RANBP9: variants seen among roughly 807,000 people sequenced by gnomAD.
The protein encoded by RANBP9 is ran-binding protein 9.
RANBP9 carries 15 observed loss-of-function variants against 84.3 expected under a neutral mutation model. The observed-to-expected ratio is 0.18, with a 90% confidence interval of 0.12 to 0.27. The LOEUF (loss-of-function observed/expected upper bound fraction) is 0.27. RANBP9 is among the 10% of genes least tolerant of loss of function. The pLI, the probability that RANBP9 is intolerant of heterozygous loss-of-function variation, is 1.00. For synonymous variants in RANBP9, 392 were observed against 349.6 expected (o/e 1.12, Z -1.35); for missense variants, 809 against 912.8 (o/e 0.89, Z 1.46).
At chr6:13,627,761 G>C (rs145019827) in intron 12 of RANBP9, among the ~76,000 whole-genome samples, 3 of 151,378 alleles carry the variant, frequency 2.0e-5, no homozygotes, top group African/African-American at 7.3e-5. Context: ...AAGAAATACT[G>C]AACAATTTTT....
At chr6:13,697,994 G>A (rs1410093926) in intron 1 of RANBP9, among the ~76,000 whole-genome samples, 2 of 152,164 alleles carry the variant, frequency 1.3e-5, no homozygotes, top group Non-Finnish European at 2.9e-5. Context: ...GTCAAAAATT[G>A]TATCTTAAGA....
chr6:13,673,979 G>C (rs993241617), intron 2 of RANBP9, among the ~76,000 whole-genome samples: 1 of 151,638 alleles, frequency 6.6e-6, no homozygotes, highest in East Asian at 1.9e-4. Context: ...AGCCACTTGG[G>C]AACCTGAAGT....
intron 8 of RANBP9, among the ~76,000 whole-genome samples, chr6:13,640,103 A>C (rs1765029481): frequency 6.6e-6 from 1 of 152,210 alleles, no homozygotes; most frequent in Non-Finnish European, 1.5e-5. Context: ...GTGCCTAAGG[A>C]CATGATTTTA....
chr6:13,634,211 G>T (rs1258879996), intron 11 of RANBP9, among the ~76,000 whole-genome samples: 1 of 152,152 alleles, frequency 6.6e-6, no homozygotes, highest in Non-Finnish European at 1.5e-5. Context: ...CTGAGCCTAA[G>T]CAGTTCAGCA....
intron 2 of RANBP9, among the ~76,000 whole-genome samples, chr6:13,692,367 A>G (rs974103982): frequency 2.7e-5 from 4 of 150,142 alleles, no homozygotes; most frequent in Admixed American, 6.7e-5. Flanking sequence ...AAAACACACT[A>G]AAAGCACAAA....
chr6:13,625,375 A>G (rs1171888030), intron 13 of RANBP9, among the ~76,000 whole-genome samples: 1 of 152,116 alleles, frequency 6.6e-6, no homozygotes, highest in African/African-American at 2.4e-5. Context: ...AGAAGTAGAC[A>G]TTCGTGGCTA....
intron 2 of RANBP9, among the ~76,000 whole-genome samples, chr6:13,674,501 A>G (rs1176828403): frequency 1.3e-5 from 2 of 152,232 alleles, no homozygotes; most frequent in Admixed American, 6.5e-5. Context: ...TCAACTCAGT[A>G]TAGTACTGGA....
rs1419405644 is a variant in RANBP9, at chr6:13,711,328, A to C, written c.178T>G (p.Leu60Val). 7 of 1,100,776 alleles carry C rather than the reference A, an allele frequency of 6.4e-6. No individual in the cohort carries two copies. The African/African-American group carries it at 1.2e-4, about 19-fold the overall frequency. 68.2% of individuals were successfully genotyped at this position (1,100,776 alleles called of 1,614,324 possible). The change falls in exon 1 of 14, where the codon TTA (leucine) becomes GTA (valine). Residue 60 changes from leucine (L) to valine (V), a missense_variant. Physicochemically the swap from Leu to Val is conservative, Grantham distance 32. Around this residue, in one of 5 missense-constraint regions of RANBP9, gnomAD observed 302 missense variants for 240.1 expected, o/e 1.26. Transcript: ENST00000011619. ...AGCAGGGCGGCCGCCGCGGCCCCTA[A>C]GCCTTCGCCGCCCGCACCGCCGCCG... ...SPGGGAGGEG[L>V]GAAAAALLLH...
intron 10 of RANBP9, among the ~76,000 whole-genome samples, chr6:13,635,855 C>A (rs375559099): frequency 4.7e-5 from 7 of 149,784 alleles, no homozygotes; most frequent in Admixed American, 4.7e-4. Flanking sequence ...GGAAGGAACT[C>A]GTTCATTTAA....
intron 2 of RANBP9, among the ~76,000 whole-genome samples, chr6:13,692,217 G>A (rs1006947202): frequency 6.6e-6 from 1 of 152,026 alleles, no homozygotes; most frequent in Non-Finnish European, 1.5e-5. Context: ...GTTTACCAGA[G>A]AGATAAATGA....
At chr6:13,634,669 ATCTGC>A in intron 10 of RANBP9, 117 bp from the exon 11 acceptor site, 8 of 1,000,128 alleles carry the variant, frequency 8.0e-6, no homozygotes, top group Middle Eastern at 3.0e-4. Flanking sequence ...GGCAACAGAA[ATCTGC>A]AAAAAAGGTA....
In RANBP9 at chr6:13,711,488, C is replaced by G. The variant is rs2113380425; in HGVS notation, c.18G>C (p.Pro6=). ...GTTGCTGCTGCTGCGGCGGCGGCGGCGGCGGCTGCCCGGACATCCCGGCCG... is the reference window on the plus strand; with the variant it reads ...GTTGCTGCTGCTGCGGCGGCGGCGGGGGCGGCTGCCCGGACATCCCGGCCG... The part of the protein sequence containing the change: MSGQP[P]PPPPQQQQQQ... Residue 6 remains proline, a synonymous_variant, in exon 1 of 14, where the codon CCG becomes CCC. Transcript: ENST00000011619. The G allele has an allele frequency of 8.0e-7, 1 of 1,247,830 alleles. No homozygotes were observed. The highest frequency in any genetic ancestry group is 1.0e-6 in the Non-Finnish European group (1 of 995,290). The allele number at this position is 1,247,830 out of a possible 1,614,324, so 77.3% of individuals were successfully genotyped here.
At chr6:13,642,386 T>A (rs1469399877) in intron 7 of RANBP9, 93 bp downstream of exon 7, 1 of 543,376 alleles carries the variant, frequency 1.8e-6, no homozygotes, top group Admixed American at 4.3e-5. Flanking sequence ...TATTTGAAAT[T>A]TTTTTAATTA....
intron 10 of RANBP9, among the ~76,000 whole-genome samples, chr6:13,634,887 G>A (rs542572297): frequency 2.8e-4 from 43 of 152,138 alleles, no homozygotes; most frequent in African/African-American, 1.0e-3. Flanking sequence ...TTAATCAACT[G>A]CTGCCCCACC....
At chr6:13,622,602 C>T (rs940346126) in intron 13 of RANBP9, 110 bp from the exon 14 acceptor site, 5 of 1,143,806 alleles carry the variant, frequency 4.4e-6, no homozygotes, top group Non-Finnish European at 5.9e-6. Context: ...TCCCATACCA[C>T]TCTGAAATAT....
At chr6:13,683,101 T>G (rs1417411893) in intron 2 of RANBP9, among the ~76,000 whole-genome samples, 1 of 152,196 alleles carries the variant, frequency 6.6e-6, no homozygotes, top group Admixed American at 6.5e-5. Context: ...ACCAGTCTGT[T>G]TTTCCATCTG....
At chr6:13,679,855 A>G (rs1048752981) in intron 2 of RANBP9, among the ~76,000 whole-genome samples, 2 of 152,188 alleles carry the variant, frequency 1.3e-5, no homozygotes, top group Non-Finnish European at 2.9e-5. Context: ...CACAAGTGCT[A>G]TAACTTAAAA....
intron 11 of RANBP9, 104 bp downstream of exon 11, chr6:13,634,327 C>G: frequency 7.2e-7 from 1 of 1,382,526 alleles, no homozygotes; most frequent in South Asian, 1.4e-5. Context: ...GCACATACAT[C>G]TTTAAATCTG....
At chr6:13,689,974 G>A (rs913528248) in intron 2 of RANBP9, among the ~76,000 whole-genome samples, 1 of 152,108 alleles carries the variant, frequency 6.6e-6, no homozygotes, top group African/African-American at 2.4e-5. Context: ...GGACAGACCA[G>A]GTATGTAGTA....
Sources: gnomAD v4.1 joint callset for allele counts (sites outside exome capture counted in the v4.1 genomes callset) on GRCh38, gnomAD v4.1.1 for gene constraint, gnomAD v4.1.1 regional missense constraint, MANE v1.5 for transcripts, NCBI Gene and HGNC (gene_info 2026-07-23, HGNC 2026-07-21) for gene names.